The following GRIK4 variants were observed in gnomAD, a reference collection of about 807,000 sequenced individuals.
GRIK4 encodes the protein glutamate ionotropic receptor kainate type subunit 4, also known as glutamate receptor ionotropic, kainate 4.
GRIK4 carries 40 observed loss-of-function variants against 104.9 expected under a neutral mutation model. The ratio of observed to expected loss-of-function variants is 0.38; its 90% confidence interval spans 0.30 to 0.50. The LOEUF (loss-of-function observed/expected upper bound fraction) is 0.50. GRIK4 is among the 20% of genes least tolerant of loss of function. GRIK4 has a pLI of 0.93. For missense variants in GRIK4, 1,047 were observed against 1,308.1 expected, an observed-to-expected ratio of 0.80 and a Z score of 3.08; for synonymous variants, 485 against 524.9, an observed-to-expected ratio of 0.92 and a Z score of 1.04.
intron 3 of GRIK4, among the ~76,000 whole-genome samples, chr11:120,692,738 C>A (rs576462885): frequency 2.0e-5 from 3 of 152,076 alleles, no homozygotes; most frequent in African/African-American, 7.2e-5. Context: ...ACAGGCAACT[C>A]TTTTTTTTCT....
chr11:120,787,452 ATTTATTTTAT>A (rs574273961), intron 3 of GRIK4, among the ~76,000 whole-genome samples: 14 of 146,946 alleles, frequency 9.5e-5, no homozygotes, highest in South Asian at 2.1e-4. Flanking sequence ...ATTTTATTTT[ATTTATTTTAT>A]TTTATTTTAT....
chr11:120,900,520 G>A (rs892693514), intron 12 of GRIK4, among the ~76,000 whole-genome samples: 81 of 139,046 alleles, frequency 5.8e-4, no homozygotes, highest in African/African-American at 2.0e-3. Context: ...AGCAAGGAAT[G>A]TGTGATAGAC....
At position 120,940,312 on chromosome 11, in the gene GRIK4, C is replaced by A; in HGVS notation, c.1477-35C>A. 1 of 1,337,656 alleles carries A rather than the reference C, an allele frequency of 7.5e-7. No homozygotes were observed. The highest frequency in any genetic ancestry group is 1.1e-6 in the Non-Finnish European group (1 of 933,474). 82.9% of individuals were successfully genotyped at this position (1,337,656 alleles called of 1,614,324 possible). A position where few individuals can be genotyped will look rare whatever the true frequency, so the allele number is the denominator to read the frequency against. On this transcript the variant is annotated intron_variant, in intron 13 of 20. Coordinates refer to ENST00000527524, the MANE Select transcript of GRIK4 (RefSeq NM_014619.5). The surrounding 1 kb of genome is among the most constrained non-coding windows in gnomAD (Gnocchi z 4.3). ...AGTCTCTGTGCCTCTTCTCCTATGG[C>A]CACCCCACTGACGGGCTGTCTCTGT...
At chr11:120,816,321 C>G (rs954789809) in intron 5 of GRIK4, among the ~76,000 whole-genome samples, 1 of 152,132 alleles carries the variant, frequency 6.6e-6, no homozygotes, top group Non-Finnish European at 1.5e-5. Context: ...GGCCCCTTAG[C>G]CCCTGTCTGC....
intron 1 of GRIK4, among the ~76,000 whole-genome samples, chr11:120,595,054 C>T (rs1458134761): frequency 6.6e-6 from 1 of 152,212 alleles, no homozygotes; most frequent in Non-Finnish European, 1.5e-5. Context: ...TTGCCATCCT[C>T]CTCTTCAAAG....
At chr11:120,532,155 G>A (rs1213491407) in intron 1 of GRIK4, among the ~76,000 whole-genome samples, 1 of 152,140 alleles carries the variant, frequency 6.6e-6, no homozygotes, top group African/African-American at 2.4e-5. Context: ...GCTGGCACAA[G>A]GGTGATTGCA....
intron 14 of GRIK4, among the ~76,000 whole-genome samples, chr11:120,943,551 A>G (rs555345599): frequency 7.2e-5 from 11 of 152,328 alleles, no homozygotes; most frequent in Admixed American, 5.9e-4. Flanking sequence ...CTAAACTTAC[A>G]TAGAGACTCT....
At chr11:120,666,354 C>A (rs965579383) in intron 3 of GRIK4, among the ~76,000 whole-genome samples, 2 of 152,138 alleles carry the variant, frequency 1.3e-5, no homozygotes, top group African/African-American at 4.8e-5. Flanking sequence ...CTGAGGACAG[C>A]GTTGGGACAG....
At chr11:120,923,103 T>G (rs1342330667) in intron 13 of GRIK4, among the ~76,000 whole-genome samples, 1 of 152,108 alleles carries the variant, frequency 6.6e-6, no homozygotes, top group Non-Finnish European at 1.5e-5. Flanking sequence ...TGGCAAACAG[T>G]GGGACACAGG....
intron 7 of GRIK4, among the ~76,000 whole-genome samples, chr11:120,835,699 AT>A (rs1269102552): frequency 6.6e-6 from 1 of 152,182 alleles, no homozygotes; most frequent in African/African-American, 2.4e-5. Flanking sequence ...TGCAGAATAC[AT>A]TATGAAAATC....
chr11:120,624,773 A>C (rs559978349), intron 1 of GRIK4, among the ~76,000 whole-genome samples: 112 of 151,726 alleles, frequency 7.4e-4, no homozygotes, highest in African/African-American at 2.6e-3. Flanking sequence ...CTCCCACCTC[A>C]CCTTCTGCCC....
chr11:120,873,854 C>T, intron 9 of GRIK4: 1 of 499,418 alleles, frequency 2.0e-6, no homozygotes, highest in Non-Finnish European at 3.6e-6. Flanking sequence ...CCTTTGCCAC[C>T]ATTGTGTGTC....
At chr11:120,652,214 T>C (rs1169817854) in intron 1 of GRIK4, among the ~76,000 whole-genome samples, 1 of 152,138 alleles carries the variant, frequency 6.6e-6, no homozygotes, top group Non-Finnish European at 1.5e-5. Flanking sequence ...TATCATAGAG[T>C]TCAGTTCTTA....
chr11:120,603,454 T>G (rs1257615661), intron 1 of GRIK4, among the ~76,000 whole-genome samples: 1 of 152,240 alleles, frequency 6.6e-6, no homozygotes, highest in East Asian at 1.9e-4. Context: ...CGTTGTTTAT[T>G]TTTTCAGAGC....
chr11:120,623,325 G>T (rs4631889), intron 1 of GRIK4, among the ~76,000 whole-genome samples: 1 of 151,700 alleles, frequency 6.6e-6, no homozygotes, highest in Admixed American at 6.6e-5. Flanking sequence ...AGAGTATGGG[G>T]TCTTGTTATG....
chr11:120,753,297 C>CTGTGTG (rs57423619), intron 3 of GRIK4, among the ~76,000 whole-genome samples: 4,028 of 130,136 alleles, frequency 0.031, 67 homozygotes, highest in East Asian at 0.071. Context: ...CAACACAACT[C>CTGTGTG]TGTGTGTGTG....
At chr11:120,724,721 G>C (rs1390836590) in intron 3 of GRIK4, among the ~76,000 whole-genome samples, 1 of 152,162 alleles carries the variant, frequency 6.6e-6, no homozygotes, top group Non-Finnish European at 1.5e-5. Context: ...AGTAATTTTT[G>C]TCAAGGTTTA....
At chr11:120,602,876 T>A (rs1948905215) in intron 1 of GRIK4, among the ~76,000 whole-genome samples, 2 of 152,020 alleles carry the variant, frequency 1.3e-5, no homozygotes, top group South Asian at 4.1e-4. Flanking sequence ...CTAATTTTTT[T>A]ATGTTTTGTA....
chr11:120,606,355 C>T (rs1591732975), intron 1 of GRIK4, among the ~76,000 whole-genome samples: 1 of 152,248 alleles, frequency 6.6e-6, no homozygotes, highest in East Asian at 1.9e-4. Flanking sequence ...CATGGCAGGC[C>T]CAGGGCAGAA....
Sources: gnomAD v4.1 joint callset for allele counts (sites outside exome capture counted in the v4.1 genomes callset) on GRCh38, gnomAD v4.1.1 for gene constraint, Gnocchi (gnomAD v3.1) non-coding constraint, MANE v1.5 for transcripts, NCBI Gene and HGNC (gene_info 2026-07-23, HGNC 2026-07-21) for gene names.